Variants in MSRA observed in about 807,000 individuals in gnomAD.
MSRA encodes the protein mitochondrial peptide methionine sulfoxide reductase.
In MSRA, 54 loss-of-function variants were observed where a neutral mutation model predicts 31.3. The observed-to-expected ratio is 1.73, with a 90% CI of 1.39 to 2.17. The LOEUF (loss-of-function observed/expected upper bound fraction) is 2.17. MSRA is among the 30% of genes most tolerant of loss of function. The pLI is 0.00. For missense variants in MSRA, 507 were observed against 300.9 expected (o/e 1.69, Z -5.07); for synonymous variants, 169 against 116.5 (o/e 1.45, Z -2.90).
intron 1 of MSRA, among the ~76,000 whole-genome samples, chr8:10,069,912 A>C (rs922930512): frequency 6.6e-6 from 1 of 152,216 alleles, no homozygotes; most frequent in African/African-American, 2.4e-5. Context: ...AGTTTATTAA[A>C]ATGAAACATG....
intron 5 of MSRA, among the ~76,000 whole-genome samples, chr8:10,399,699 C>T (rs752687751): frequency 2.0e-5 from 3 of 152,210 alleles, no homozygotes; most frequent in Non-Finnish European, 2.9e-5. Context: ...AAACAATAGG[C>T]TTCCCTGTAG....
At chr8:10,164,079 C>G (rs960533779) in intron 1 of MSRA, among the ~76,000 whole-genome samples, 1 of 152,212 alleles carries the variant, frequency 6.6e-6, no homozygotes, top group Non-Finnish European at 1.5e-5. Context: ...TTTCTGTTCT[C>G]CTGTTAATCT....
At chr8:10,082,031 C>CAA in intron 1 of MSRA, among the ~76,000 whole-genome samples, 1 of 152,034 alleles carries the variant, frequency 6.6e-6, no homozygotes. Context: ...GTGAGACCCC[C>CAA]AACAGTACAA....
At chr8:10,172,301 C>G (rs1162574127) in intron 1 of MSRA, among the ~76,000 whole-genome samples, 2 of 152,062 alleles carry the variant, frequency 1.3e-5, no homozygotes, top group African/African-American at 4.8e-5. Flanking sequence ...ATTTAGGAGG[C>G]CTTGGGAGGT....
In MSRA at chr8:10,187,703, A is replaced by G. The variant is rs139027813; in HGVS notation, c.143-20130A>G. Among the ~76,000 whole-genome samples the G allele has an allele frequency of 9.9e-4, 151 of 152,338 alleles. 1 individual carries two copies. The highest frequency in any genetic ancestry group is 3.4e-3 in the Middle Eastern group (1 of 294). On this transcript the variant is annotated intron_variant, in intron 1 of 5. Coordinates refer to ENST00000317173, the MANE Select transcript of MSRA (RefSeq NM_012331.5). Reference sequence around the variant, plus strand: ...TACCGGCAGGCAATAGTTATTTGCTATTATTGTTTTTAAATTAATCCTAGA... The same window carrying G: ...TACCGGCAGGCAATAGTTATTTGCTGTTATTGTTTTTAAATTAATCCTAGA...
chr8:10,170,989 T>C (rs1053842336), intron 1 of MSRA, among the ~76,000 whole-genome samples: 1 of 152,218 alleles, frequency 6.6e-6, no homozygotes, highest in African/African-American at 2.4e-5. Context: ...GTGGATATCT[T>C]CCCCTAGCTC....
intron 1 of MSRA, among the ~76,000 whole-genome samples, chr8:10,187,280 C>G (rs1268385051): frequency 6.6e-6 from 1 of 152,140 alleles, no homozygotes; most frequent in Non-Finnish European, 1.5e-5. Flanking sequence ...GAAGGGTTTC[C>G]TTTTTACTCA....
chr8:10,067,659 C>T (rs766538141), intron 1 of MSRA, among the ~76,000 whole-genome samples: 4 of 152,174 alleles, frequency 2.6e-5, no homozygotes, highest in Non-Finnish European at 5.9e-5. Flanking sequence ...GTTCCTCTTG[C>T]TCCACATCCT....
At chr8:10,220,052 C>A (rs1283477595) in intron 2 of MSRA, among the ~76,000 whole-genome samples, 1 of 151,866 alleles carries the variant, frequency 6.6e-6, no homozygotes, top group Non-Finnish European at 1.5e-5. Context: ...ACCTTAGGCC[C>A]AAGTAGTGTG....
chr8:10,386,335 A>G (rs1279837336), intron 5 of MSRA, among the ~76,000 whole-genome samples: 1 of 152,166 alleles, frequency 6.6e-6, no homozygotes, highest in East Asian at 1.9e-4. Flanking sequence ...TTCTCTGATC[A>G]GACGTTAGGA....
intron 2 of MSRA, among the ~76,000 whole-genome samples, chr8:10,236,735 GGGGTTT>G (rs1811975329): frequency 6.6e-6 from 1 of 152,124 alleles, no homozygotes; most frequent in African/African-American, 2.4e-5. Context: ...TAGTAGAGAT[GGGGTTT>G]TACTATGTTG....
intron 3 of MSRA, among the ~76,000 whole-genome samples, chr8:10,289,724 C>G (rs149633583): frequency 6.6e-6 from 1 of 152,298 alleles, no homozygotes; most frequent in East Asian, 1.9e-4. Context: ...CTCTAGTTGT[C>G]TTTTAACTCT....
intron 5 of MSRA, among the ~76,000 whole-genome samples, chr8:10,366,285 G>A (rs1008291208): frequency 2.0e-5 from 3 of 152,250 alleles, no homozygotes; most frequent in African/African-American, 7.2e-5. Flanking sequence ...AGGAAGCAGA[G>A]GGCTCTGAAT....
At chr8:10,184,106 G>A (rs1806806017) in intron 1 of MSRA, among the ~76,000 whole-genome samples, 2 of 151,612 alleles carry the variant, frequency 1.3e-5, no homozygotes, top group Non-Finnish European at 2.9e-5. Context: ...AGTGTTGATG[G>A]TCTTGGTGGT....
chr8:10,081,394 G>GTA (rs1425546670), intron 1 of MSRA, among the ~76,000 whole-genome samples: 1 of 152,198 alleles, frequency 6.6e-6, no homozygotes, highest in Non-Finnish European at 1.5e-5. Context: ...ATTCTGGAGT[G>GTA]TGTGTGTGAC....
chr8:10,387,117 C>G (rs1029326955), intron 5 of MSRA, among the ~76,000 whole-genome samples: 6 of 152,146 alleles, frequency 3.9e-5, no homozygotes, highest in African/African-American at 1.4e-4. Context: ...GCTGCCTGCA[C>G]GGCTCGACCA....
intron 5 of MSRA, among the ~76,000 whole-genome samples, chr8:10,417,048 G>A (rs2129192352): frequency 6.6e-6 from 1 of 152,338 alleles, no homozygotes; most frequent in East Asian, 1.9e-4. Flanking sequence ...GGAAAGGACG[G>A]AACACAGGAG....
Position 10,166,851 on chromosome 8 carries a change from G to A in MSRA, c.143-40982G>A, listed in dbSNP as rs184883818. On this transcript the variant is annotated intron_variant, in intron 1 of 5. Coordinates refer to ENST00000317173, the MANE Select transcript of MSRA (RefSeq NM_012331.5). ...TTACCCCAGAATTGCAACCCTGGAA[G>A]CATCTTAGCATCATCTGGGACTGAT... Among the ~76,000 whole-genome samples, 6 of 152,282 alleles carry A rather than the reference G, an allele frequency of 3.9e-5. No individual in the cohort carries two copies. The East Asian group carries it at 9.7e-4, about 24-fold the overall frequency.
intron 1 of MSRA, among the ~76,000 whole-genome samples, chr8:10,160,145 A>G (rs920754494): frequency 6.6e-6 from 1 of 152,286 alleles, no homozygotes; most frequent in African/African-American, 2.4e-5. Flanking sequence ...ATTCAGCTTC[A>G]TTACAGTGGA....
Sources: gnomAD v4.1 joint callset for allele counts (sites outside exome capture counted in the v4.1 genomes callset) on GRCh38, gnomAD v4.1.1 for gene constraint, MANE v1.5 for transcripts, NCBI Gene and HGNC (gene_info 2026-07-23, HGNC 2026-07-21) for gene names.